Variants in ZP2 observed in about 807,000 individuals in gnomAD.
ZP2 encodes the protein zona pellucida sperm-binding protein 2.
ZP2 carries 51 observed loss-of-function variants against 84.0 expected under a neutral mutation model. The observed-to-expected ratio is 0.61, with a 90% CI of 0.49 to 0.77. ZP2 has a LOEUF of 0.77. Ranked by LOEUF, ZP2 falls within the 30% of genes least tolerant of loss-of-function variation. The pLI, the probability that ZP2 is intolerant of heterozygous loss-of-function variation, is 0.00. For missense variants in ZP2, 909 were observed against 911.9 expected, an observed-to-expected ratio of 1.00 and a Z score of 0.04; for synonymous variants, 375 against 330.9, an observed-to-expected ratio of 1.13 and a Z score of -1.45.
At chr16:21,208,985 T>C (rs964804582) in intron 4 of ZP2, among the ~76,000 whole-genome samples, 6 of 152,208 alleles carry the variant, frequency 3.9e-5, no homozygotes, top group African/African-American at 1.4e-4. Flanking sequence ...TGCCAGGGTT[T>C]CTCATCCTCA....
At chr16:21,207,837 C>T (rs544507742) in intron 4 of ZP2, among the ~76,000 whole-genome samples, 4 of 152,090 alleles carry the variant, frequency 2.6e-5, no homozygotes, top group African/African-American at 9.6e-5. Flanking sequence ...GCCTGGACAA[C>T]AGCAAGACCC....
chr16:21,212,119 G>C (rs1377274981), upstream of ZP2, among the ~76,000 whole-genome samples: 1 of 151,974 alleles, frequency 6.6e-6, no homozygotes, highest in Non-Finnish European at 1.5e-5. Context: ...GTAAAGATTG[G>C]GTTTCACCGT....
At chr16:21,205,319 G>A in intron 7 of ZP2, 101 bp downstream of exon 7, 2 of 1,399,264 alleles carry the variant, frequency 1.4e-6, no homozygotes, top group Non-Finnish European at 2.0e-6. Context: ...ATTAAAATGG[G>A]TTGTATTATA....
intron 16 of ZP2, 76 bp downstream of exon 16, chr16:21,199,494 C>CTTAA (rs2093215315): frequency 7.7e-7 from 1 of 1,304,998 alleles, no homozygotes; most frequent in Non-Finnish European, 1.0e-6. Flanking sequence ...TATACCAGTC[C>CTTAA]TTAAGATCTT....
At chr16:21,203,898 C>T (rs1338853442) in intron 9 of ZP2, 132 bp downstream of exon 9, 2 of 916,014 alleles carry the variant, frequency 2.2e-6, no homozygotes, top group African/African-American at 3.3e-5. Context: ...CAAATGAGGC[C>T]TTTTGGAGTT....
rs2093215636 is a variant in ZP2, at chr16:21,199,579, G to A, written c.1918C>T (p.His640Tyr). 1 of 1,603,226 alleles carries A rather than the reference G, an allele frequency of 6.2e-7. No homozygotes were observed. Among genetic ancestry groups the A allele is most frequent in the Non-Finnish European group, 8.5e-7 (1 of 1,176,302 alleles). The change falls in exon 16 of 19, where the codon CAC becomes TAC. Residue 640 changes from histidine (H) to tyrosine (Y), a missense_variant. Transcript: ENST00000574091. ...CSVTCPVSSRHRRATGATEAE... is the reference protein window; with the variant it reads ...CSVTCPVSSRYRRATGATEAE... ...AATTTGAAGTTTTTACCTCGCCTGT[G>A]CCTAGAGGACACAGGGCAGGTCACA...
intron 14 of ZP2, 110 bp from the exon 15 acceptor site, chr16:21,199,988 T>TAC: frequency 7.3e-7 from 1 of 1,374,314 alleles, no homozygotes; most frequent in Non-Finnish European, 1.0e-6. Flanking sequence ...TTGCCATATT[T>TAC]ACCTTCTACC....
chr16:21,211,789 CA>C, upstream of ZP2: 6 of 1,433,256 alleles, frequency 4.2e-6, no homozygotes, highest in Non-Finnish European at 5.5e-6. Flanking sequence ...AAATCAGCTC[CA>C]GGTGAGTGAA....
intron 5 of ZP2, chr16:21,206,016 C>A (rs930143619): frequency 1.5e-5 from 8 of 540,422 alleles, no homozygotes; most frequent in Non-Finnish European, 2.7e-5. Context: ...TTTCTCCCCC[C>A]AAGATAGAGT....
At chr16:21,200,353 G>A (rs367719155) in intron 14 of ZP2, among the ~76,000 whole-genome samples, 5 of 152,282 alleles carry the variant, frequency 3.3e-5, no homozygotes, top group African/African-American at 7.2e-5. Context: ...CAGGTGAATC[G>A]CTTGAATCTG....
chr16:21,210,569 C>G (rs777030388), intron 2 of ZP2, among the ~76,000 whole-genome samples: 7 of 151,966 alleles, frequency 4.6e-5, no homozygotes, highest in Admixed American at 3.3e-4. Context: ...AGTCCCAGGA[C>G]TTTTATTTAT....
Position 21,202,974 on chromosome 16 carries a change from G to T in ZP2, c.1099+151C>A, listed in dbSNP as rs1055889446. Reference sequence around the variant, plus strand: ...AAAATATCATACTTAGGACCCCATCGTAGCAGCTACACTGTTTCTAATCTG... The same window carrying T: ...AAAATATCATACTTAGGACCCCATCTTAGCAGCTACACTGTTTCTAATCTG... On this transcript the variant is annotated intron_variant, in intron 10 of 18. Coordinates refer to ENST00000574091, the MANE Select transcript of ZP2 (RefSeq NM_001376232.1). 6.9e-6 allele frequency: 6 copies of T among 870,418 alleles called. No homozygotes were observed. The African/African-American group carries it at 8.6e-5, about 12-fold the overall frequency. The allele number at this position is 870,418 out of a possible 1,614,324, so 53.9% of individuals were successfully genotyped here.
chr16:21,200,867 C>T (rs2093221728), intron 14 of ZP2, among the ~76,000 whole-genome samples: 1 of 152,108 alleles, frequency 6.6e-6, no homozygotes. Context: ...CTTTCTGGGG[C>T]TTTGGAACTC....
intron 10 of ZP2, among the ~76,000 whole-genome samples, chr16:21,202,910 G>A (rs908141516): frequency 4.6e-5 from 7 of 152,236 alleles, no homozygotes; most frequent in African/African-American, 1.7e-4. Flanking sequence ...GTTTAACCAT[G>A]GAGCAGTTGC....
chr16:21,202,074 C>T (rs780642835), intron 11 of ZP2, 30 bp downstream of exon 11: 2 of 1,613,462 alleles, frequency 1.2e-6, no homozygotes, highest in East Asian at 4.5e-5. Flanking sequence ...AAAGATGAGA[C>T]TTAACCTCGT....
chr16:21,210,875 G>A (rs1334305283), intron 2 of ZP2, among the ~76,000 whole-genome samples: 3 of 140,092 alleles, frequency 2.1e-5, no homozygotes, highest in South Asian at 4.5e-4. Flanking sequence ...GCGCCTGGCT[G>A]CATTTTTTTT....
intron 10 of ZP2, 91 bp downstream of exon 10, chr16:21,203,034 G>T: frequency 1.4e-6 from 2 of 1,469,476 alleles, no homozygotes; most frequent in Non-Finnish European, 1.8e-6. Context: ...ATAAGCAATA[G>T]ATCAGAATCT....
chr16:21,204,228 C>G lies in ZP2; in HGVS notation c.791-17G>C. On this transcript the variant is annotated splice_polypyrimidine_tract_variant and intron_variant, in intron 8 of 18. Coordinates refer to ENST00000574091, the MANE Select transcript of ZP2 (RefSeq NM_001376232.1). ...TCACAGGATCTAGAAGGAATGACAA[C>G]AGAATGCCCATTACCAGCCTTGATT... The G allele has an allele frequency of 6.2e-7, 1 of 1,614,048 alleles. No homozygotes were observed. Among genetic ancestry groups the G allele is most frequent in the Non-Finnish European group, 8.5e-7 (1 of 1,179,948 alleles).
At chr16:21,200,833 G>T (rs1261921844) in intron 14 of ZP2, among the ~76,000 whole-genome samples, 1 of 152,158 alleles carries the variant, frequency 6.6e-6, no homozygotes, top group East Asian at 1.9e-4. Flanking sequence ...CTTTCCAGAT[G>T]ATCAACACCA....
Sources: gnomAD v4.1 joint callset for allele counts (sites outside exome capture counted in the v4.1 genomes callset) on GRCh38, gnomAD v4.1.1 for gene constraint, MANE v1.5 for transcripts, NCBI Gene and HGNC (gene_info 2026-07-23, HGNC 2026-07-21) for gene names.